Variants in SMOC2 observed in about 807,000 individuals in gnomAD.
SMOC2 encodes SPARC-related modular calcium-binding protein 2.
A neutral mutation model predicts 61.4 loss-of-function variants in SMOC2; 39 were observed. The observed-to-expected ratio is 0.64, with a 90% CI of 0.49 to 0.83. The LOEUF (loss-of-function observed/expected upper bound fraction) is 0.83. SMOC2 is among the 40% of genes least tolerant of loss of function. The probability of loss-of-function intolerance (pLI) is 0.00; values close to 1 mark genes in which losing one functional copy is unlikely to be tolerated. For synonymous variants in SMOC2, 247 were observed against 239.9 expected (o/e 1.03, Z -0.27); for missense variants, 556 against 592.9 (o/e 0.94, Z 0.65).
intron 1 of SMOC2, among the ~76,000 whole-genome samples, chr6:168,445,991 G>T (rs2114988754): frequency 6.6e-6 from 1 of 152,328 alleles, no homozygotes; most frequent in African/African-American, 2.4e-5. Context: ...CAGGATCTTA[G>T]AATGGGGATT....
Position 168,441,359 on chromosome 6 carries a change from A to G in SMOC2, c.-12A>G. 1 of 1,500,616 alleles carries G rather than the reference A, an allele frequency of 6.7e-7. No individual in the cohort carries two copies. Among genetic ancestry groups the G allele is most frequent in the Non-Finnish European group, 8.8e-7 (1 of 1,131,174 alleles). 93.0% of individuals were successfully genotyped at this position (1,500,616 alleles called of 1,614,324 possible). On this transcript the variant is annotated 5_prime_UTR_variant, in exon 1 of 13. Coordinates refer to ENST00000356284, the MANE Select transcript of SMOC2 (RefSeq NM_001166412.2). ...ACGCGGCCGATCTCCCGCTCCCGCCACCTCCGCCACCATGCTGCTCCCCCA... is the reference window on the plus strand; with the variant it reads ...ACGCGGCCGATCTCCCGCTCCCGCCGCCTCCGCCACCATGCTGCTCCCCCA...
intron 9 of SMOC2, among the ~76,000 whole-genome samples, chr6:168,627,949 A>C (rs765736899): frequency 1.3e-5 from 2 of 152,124 alleles, no homozygotes; most frequent in Non-Finnish European, 2.9e-5. Context: ...AAGGCACTGC[A>C]GGCTCCCACG....
chr6:168,604,195 T>A (rs532307888), intron 8 of SMOC2, among the ~76,000 whole-genome samples: 24 of 152,348 alleles, frequency 1.6e-4, no homozygotes, highest in Admixed American at 1.6e-3. Flanking sequence ...GATGCCACAG[T>A]GCTCAGAGGA....
chr6:168,536,899 C>T (rs1783744714), intron 4 of SMOC2, among the ~76,000 whole-genome samples: 1 of 152,214 alleles, frequency 6.6e-6, no homozygotes, highest in Admixed American at 6.5e-5. Context: ...AGCAGGACTA[C>T]AGAGGACAGG....
At chr6:168,631,324 G>A (rs1786565285) in intron 9 of SMOC2, among the ~76,000 whole-genome samples, 2 of 152,148 alleles carry the variant, frequency 1.3e-5, no homozygotes, top group South Asian at 4.1e-4. Context: ...TCAGGCCTTG[G>A]AGCATCAGAG....
At chr6:168,555,501 C>A (rs1437886692) in intron 7 of SMOC2, among the ~76,000 whole-genome samples, 1 of 152,174 alleles carries the variant, frequency 6.6e-6, no homozygotes, top group Non-Finnish European at 1.5e-5. Context: ...GCTGGCTCAG[C>A]CAGCCCAGCG....
At chr6:168,506,628 C>T (rs1782876104) in intron 1 of SMOC2, among the ~76,000 whole-genome samples, 1 of 152,094 alleles carries the variant, frequency 6.6e-6, no homozygotes, top group African/African-American at 2.4e-5. Context: ...ACTTGGTGTC[C>T]ACAAAGACAC....
chr6:168,574,229 G>T (rs982289603), intron 7 of SMOC2, among the ~76,000 whole-genome samples: 5 of 152,234 alleles, frequency 3.3e-5, no homozygotes, highest in Non-Finnish European at 7.3e-5. Context: ...GCGCTGGGAG[G>T]GGGGCCAGGC....
intron 11 of SMOC2, among the ~76,000 whole-genome samples, chr6:168,661,017 G>C (rs1221218915): frequency 6.6e-6 from 1 of 152,146 alleles, no homozygotes; most frequent in Non-Finnish European, 1.5e-5. Flanking sequence ...ATAAACTGCA[G>C]TTTGGCAAAA....
intron 1 of SMOC2, among the ~76,000 whole-genome samples, chr6:168,441,914 G>A (rs1440815462): frequency 6.6e-6 from 1 of 152,142 alleles, no homozygotes; most frequent in African/African-American, 2.4e-5. Flanking sequence ...AGACAGACCC[G>A]CCGGGACTGG....
chr6:168,610,100 A>G (rs1785816155), intron 9 of SMOC2, among the ~76,000 whole-genome samples: 2 of 152,228 alleles, frequency 1.3e-5, no homozygotes, highest in African/African-American at 4.8e-5. Flanking sequence ...ATTGAGAAAC[A>G]TGATGTCATT....
intron 7 of SMOC2, among the ~76,000 whole-genome samples, chr6:168,551,428 TTTATTTATTTA>T (rs1784126956): frequency 8.1e-5 from 1 of 12,404 alleles, no homozygotes; most frequent in Non-Finnish European, 1.3e-4. Flanking sequence ...CTTTATTTTA[TTTATTTATTTA>T]TTTATTTATT....
In SMOC2 at chr6:168,594,548, T is replaced by C. The variant is rs34944827; in HGVS notation, c.638-4270T>C. 0.012 allele frequency among the ~76,000 whole-genome samples: 61 copies of C among 5,258 alleles called. 17 individuals are homozygous for C. The East Asian group carries it at 0.15, about 13-fold the overall frequency. The allele number at this position is 5,258 out of a possible 152,430, so 3.4% of individuals were successfully genotyped here. On this transcript the variant is annotated intron_variant, in intron 7 of 12. Transcript: ENST00000356284. Reference sequence around the variant, plus strand: ...CGCGGGCATCTTTCTAGAGGATCTCTGAGCTCCTCCTCCTTCCTGAGGCCT... The same window carrying C: ...CGCGGGCATCTTTCTAGAGGATCTCCGAGCTCCTCCTCCTTCCTGAGGCCT...
intron 7 of SMOC2, among the ~76,000 whole-genome samples, chr6:168,579,152 A>G (rs114562574): frequency 0.015 from 2,242 of 152,368 alleles, 51 homozygotes; most frequent in African/African-American, 0.051. Flanking sequence ...TCCCCAGGTC[A>G]CACTGTGTCC....
chr6:168,502,598 G>A (rs929019077), intron 1 of SMOC2, among the ~76,000 whole-genome samples: 1 of 152,164 alleles, frequency 6.6e-6, no homozygotes, highest in African/African-American at 2.4e-5. Context: ...CAGGAATGCC[G>A]ATGGGACCTA....
chr6:168,581,762 C>T (rs1784924427), intron 7 of SMOC2, among the ~76,000 whole-genome samples: 1 of 152,182 alleles, frequency 6.6e-6, no homozygotes, highest in Non-Finnish European at 1.5e-5. Context: ...AGCCGCAGAC[C>T]TGCCTGGGAC....
At chr6:168,494,714 G>A (rs903261533) in intron 1 of SMOC2, among the ~76,000 whole-genome samples, 3 of 152,184 alleles carry the variant, frequency 2.0e-5, no homozygotes, top group African/African-American at 4.8e-5. Context: ...GGGGTTTTGC[G>A]ATTCTTTCCC....
intron 7 of SMOC2, among the ~76,000 whole-genome samples, chr6:168,589,369 G>A (rs1785120125): frequency 6.6e-6 from 1 of 152,256 alleles, no homozygotes; most frequent in South Asian, 2.1e-4. Flanking sequence ...AAGGGATTCA[G>A]AGTTCCTTGA....
rs1438250905 is a variant in SMOC2, at chr6:168,543,681, C to T, written c.511+9C>T. On this transcript the variant is annotated intron_variant, in intron 5 of 12. Transcript: ENST00000356284. ...AGGCACAGGAAAAACAGGTAACTAT[C>T]TTAGAATAAATGTCTATGACGATAT... is the stretch of plus-strand genomic sequence containing the variant. The T allele has an allele frequency of 1.2e-6, 2 of 1,612,104 alleles. No individual in the cohort carries two copies. The highest frequency in any genetic ancestry group is 1.7e-6 in the Non-Finnish European group (2 of 1,178,282).
Sources: allele counts gnomAD v4.1 joint callset (sites outside exome capture counted in the v4.1 genomes callset), GRCh38; gene constraint gnomAD v4.1.1; transcripts MANE v1.5; gene names NCBI Gene and HGNC (gene_info 2026-07-23, HGNC 2026-07-21).